The following TENT4A variants were observed in gnomAD, a reference collection of about 807,000 sequenced individuals.
TENT4A encodes DNA polymerase kappa.
TENT4A carries 7 observed loss-of-function variants against 72.8 expected under a neutral mutation model. The observed-to-expected ratio is 0.10, with a 90% CI of 0.05 to 0.18. TENT4A has a LOEUF of 0.18. Among genes scored for constraint, TENT4A ranks in the 10% least tolerant of loss-of-function variants. The probability of loss-of-function intolerance (pLI) is 1.00; values close to 1 mark genes in which losing one functional copy is unlikely to be tolerated. For missense variants in TENT4A, 831 were observed against 1,017.7 expected (o/e 0.82, Z 2.50); for synonymous variants, 456 against 434.3 (o/e 1.05, Z -0.62).
At chr5:6,752,813 G>A in intron 11 of TENT4A, 60 bp from the exon 12 acceptor site, 1 of 1,509,984 alleles carries the variant, frequency 6.6e-7, no homozygotes, top group African/African-American at 1.4e-5. Flanking sequence ...GAGCTTAGAA[G>A]CCGGATGGTT....
chr5:6,753,855 G>A (rs561705212), intron 12 of TENT4A, among the ~76,000 whole-genome samples: 3 of 152,306 alleles, frequency 2.0e-5, no homozygotes, highest in Non-Finnish European at 4.4e-5. Context: ...ATCCATCCCC[G>A]ATAGACACAT....
chr5:6,739,312 C>T (rs1741678071), intron 3 of TENT4A, among the ~76,000 whole-genome samples: 1 of 152,168 alleles, frequency 6.6e-6, no homozygotes, highest in African/African-American at 2.4e-5. Flanking sequence ...TGGGGGTTGA[C>T]ATTAGCAGGG....
At chr5:6,752,827 C>G in intron 11 of TENT4A, 46 bp from the exon 12 acceptor site, 2 of 1,579,930 alleles carry the variant, frequency 1.3e-6, no homozygotes, top group Non-Finnish European at 1.7e-6. Flanking sequence ...GATGGTTTTC[C>G]TCTGATTGCT....
chr5:6,743,372 C>T (rs1354177480), intron 5 of TENT4A, among the ~76,000 whole-genome samples: 2 of 152,204 alleles, frequency 1.3e-5, no homozygotes, highest in South Asian at 4.1e-4. Context: ...TCCGGAGGCC[C>T]CCACTGTCCT....
chr5:6,747,679 G>T (rs536615118), intron 7 of TENT4A, among the ~76,000 whole-genome samples: 235 of 152,256 alleles, frequency 1.5e-3, no homozygotes, highest in Non-Finnish European at 2.4e-3. Flanking sequence ...CTGCTGAAAT[G>T]TACTCAAAAA....
rs1230458217 is a variant in TENT4A, at chr5:6,719,598, G to A, written c.716+4899G>A. Among the ~76,000 whole-genome samples the A allele has an allele frequency of 2.0e-5, 3 of 152,148 alleles. No homozygotes were observed. The East Asian group carries it at 5.8e-4, about 29-fold the overall frequency. On this transcript the variant is annotated intron_variant, in intron 1 of 12. Coordinates refer to ENST00000230859, the MANE Select transcript of TENT4A (RefSeq NM_006999.6). Reference sequence around the variant, plus strand: ...ATGGCAAGCCTCGCCCTCTTCGAAAGCTGCCACTCTGAACCTGCCTTGAGA... The same window carrying A: ...ATGGCAAGCCTCGCCCTCTTCGAAAACTGCCACTCTGAACCTGCCTTGAGA...
chr5:6,750,236 G>A (rs1221569820), intron 9 of TENT4A, 95 bp from the exon 10 acceptor site: 3 of 987,494 alleles, frequency 3.0e-6, no homozygotes, highest in South Asian at 3.8e-5. Flanking sequence ...CATTAGCAGC[G>A]TTCCCGGCTC....
In TENT4A at chr5:6,753,720, G is replaced by A. The variant is rs28381431; in HGVS notation, c.2184+683G>A. ...ATCGGTGTCCACACCTCTTTATTCCGCTCCTCCTTTGCTTGTCTAATCCTA... is the reference window on the plus strand; with the variant it reads ...ATCGGTGTCCACACCTCTTTATTCCACTCCTCCTTTGCTTGTCTAATCCTA... On this transcript the variant is annotated intron_variant, in intron 12 of 12. Transcript: ENST00000230859. Among the ~76,000 whole-genome samples the A allele has an allele frequency of 3.2e-3, 481 of 152,290 alleles. 2 individuals carry two copies. Among genetic ancestry groups the A allele is most frequent in the African/African-American group, 0.011 (454 of 41,556 alleles).
At chr5:6,734,535 C>G (rs1741372298) in intron 1 of TENT4A, among the ~76,000 whole-genome samples, 1 of 152,270 alleles carries the variant, frequency 6.6e-6, no homozygotes, top group Non-Finnish European at 1.5e-5. Context: ...TTGTCTGACT[C>G]CGTCATCCAA....
In TENT4A at chr5:6,753,050, C is replaced by G. The variant is rs2126661514; in HGVS notation, c.2184+13C>G. 1 of 1,597,200 alleles carries G rather than the reference C, an allele frequency of 6.3e-7. No homozygotes were observed. The highest frequency in any genetic ancestry group is 1.1e-5 in the South Asian group (1 of 89,924). On this transcript the variant is annotated intron_variant, in intron 12 of 12. Transcript: ENST00000230859. ...TCTGTATCATAAGGTATAGCTCTGT[C>G]CTGGTGCATTCACCTACCTGTTCAA...
chr5:6,720,427 T>C (rs1579449058), intron 1 of TENT4A, among the ~76,000 whole-genome samples: 2 of 152,296 alleles, frequency 1.3e-5, no homozygotes, highest in African/African-American at 4.8e-5. Context: ...CAATGACTCT[T>C]GCAGATTGCC....
In TENT4A at chr5:6,752,925, G is replaced by A; in HGVS notation, c.2072G>A (p.Arg691Lys). ...PTLGVAPVPC[R>K]QAGVEGTASL... Reference sequence around the variant, plus strand: ...CTAGGGGTTGCTCCTGTTCCTTGCAGACAAGCTGGTGTAGAAGGAACTGCG... The same window carrying A: ...CTAGGGGTTGCTCCTGTTCCTTGCAAACAAGCTGGTGTAGAAGGAACTGCG... The change falls in exon 12 of 13, where the codon AGA (arginine) becomes AAA (lysine). Residue 691 changes from arginine to lysine, a missense_variant. Physicochemically the swap from Arg to Lys is conservative, Grantham distance 26. Coordinates refer to ENST00000230859, the MANE Select transcript of TENT4A (RefSeq NM_006999.6). 3 of 1,614,222 alleles carry A rather than the reference G, an allele frequency of 1.9e-6. No individual in the cohort carries two copies. The highest frequency in any genetic ancestry group is 2.5e-6 in the Non-Finnish European group (3 of 1,180,042).
chr5:6,751,320 C>T (rs1209496201), intron 11 of TENT4A, 123 bp downstream of exon 11: 1 of 986,972 alleles, frequency 1.0e-6, no homozygotes, highest in African/African-American at 1.6e-5. Context: ...AGTATTTGGC[C>T]ATTGGTGTGT....
intron 1 of TENT4A, among the ~76,000 whole-genome samples, chr5:6,731,876 A>G (rs946799491): frequency 6.6e-6 from 1 of 152,134 alleles, no homozygotes; most frequent in Non-Finnish European, 1.5e-5. Flanking sequence ...ATGTTCCTGT[A>G]TGTTCCCCAC....
intron 1 of TENT4A, among the ~76,000 whole-genome samples, chr5:6,715,378 G>A (rs560821238): frequency 1.6e-4 from 25 of 152,288 alleles, no homozygotes; most frequent in African/African-American, 5.8e-4. Context: ...CTTAAATTTA[G>A]TGCACTTACA....
rs1199959567 is a variant in TENT4A, at chr5:6,756,624, A to G, written c.*1679A>G. 6.6e-6 allele frequency: 1 copy of G among 152,554 alleles called. No individual in the cohort carries two copies. The highest frequency in any genetic ancestry group is 1.5e-5 in the Non-Finnish European group (1 of 68,050). The allele number at this position is 152,554 out of a possible 1,614,324, so 9.5% of individuals were successfully genotyped here. A position where few individuals can be genotyped will look rare whatever the true frequency, so the allele number is the denominator to read the frequency against. On this transcript the variant is annotated 3_prime_UTR_variant, in exon 13 of 13. Transcript: ENST00000230859. ...AGGAGGCATTCCAGAATAGAGTAGCACACTGTGTCTGCAGTTCTCGATGAC... is the reference window on the plus strand; with the variant it reads ...AGGAGGCATTCCAGAATAGAGTAGCGCACTGTGTCTGCAGTTCTCGATGAC...
chr5:6,734,537 G>A (rs552027266), intron 1 of TENT4A, among the ~76,000 whole-genome samples: 21 of 152,362 alleles, frequency 1.4e-4, no homozygotes, highest in Non-Finnish European at 2.6e-4. Flanking sequence ...GTCTGACTCC[G>A]TCATCCAAGA....
rs1379283636 is a variant in TENT4A, at chr5:6,756,412, T to C, written c.*1467T>C. 1 of 152,590 alleles carries C rather than the reference T, an allele frequency of 6.6e-6. No homozygotes were observed. The highest frequency in any genetic ancestry group is 1.5e-5 in the Non-Finnish European group (1 of 68,036). 9.5% of individuals were successfully genotyped at this position (152,590 alleles called of 1,614,324 possible). A position where few individuals can be genotyped will look rare whatever the true frequency, so the allele number is the denominator to read the frequency against. Reference sequence around the variant, plus strand: ...GTCTTTGAAGTCCACTAGTGGAGAATGTCAAGACAAGATACTTATTACCAT... The same window carrying C: ...GTCTTTGAAGTCCACTAGTGGAGAACGTCAAGACAAGATACTTATTACCAT... On this transcript the variant is annotated 3_prime_UTR_variant, in exon 13 of 13. Coordinates refer to ENST00000230859, the MANE Select transcript of TENT4A (RefSeq NM_006999.6).
rs949585510 is a variant in TENT4A at position 6,748,605 on chromosome 5, G to A, written c.1586+15G>A. The stretch of plus-strand genomic sequence containing the variant: ...GACGCCGAAAGGTAATGGGTTGTGT[G>A]TCTGCGTCTGGGCTCAGCGTGCCTG... On this transcript the variant is annotated intron_variant, in intron 8 of 12. Coordinates refer to ENST00000230859, the MANE Select transcript of TENT4A (RefSeq NM_006999.6). 3 of 1,604,820 alleles carry A rather than the reference G, an allele frequency of 1.9e-6. No individual in the cohort carries two copies. Among genetic ancestry groups the A allele is most frequent in the Middle Eastern group, 1.6e-4 (1 of 6,066 alleles).
Sources: allele counts gnomAD v4.1 joint callset (sites outside exome capture counted in the v4.1 genomes callset), GRCh38; gene constraint gnomAD v4.1.1; transcripts MANE v1.5; gene names NCBI Gene and HGNC (gene_info 2026-07-23, HGNC 2026-07-21).